RBFOX3: variants seen among roughly 807,000 people sequenced by gnomAD.
RBFOX3 encodes RNA binding protein fox-1 homolog 3.
In RBFOX3, 17 loss-of-function variants were observed where a neutral mutation model predicts 48.7. The observed-to-expected ratio is 0.35, with a 90% CI of 0.24 to 0.52. The LOEUF is 0.52. Ranked by LOEUF, RBFOX3 falls within the 20% of genes least tolerant of loss-of-function variation. The pLI, the probability that RBFOX3 is intolerant of heterozygous loss-of-function variation, is 0.94. For missense variants in RBFOX3, 382 were observed against 497.5 expected (o/e 0.77, Z 2.21); for synonymous variants, 212 against 209.5 (o/e 1.01, Z -0.10).
chr17:79,399,960 G>C (rs2062581514), intron 2 of RBFOX3, among the ~76,000 whole-genome samples: 1 of 152,190 alleles, frequency 6.6e-6, no homozygotes, highest in Admixed American at 6.5e-5. Flanking sequence ...AGATATCCAG[G>C]TTCACCCACT....
At chr17:79,171,568 C>T (rs1013627194) in intron 4 of RBFOX3, among the ~76,000 whole-genome samples, 1 of 152,160 alleles carries the variant, frequency 6.6e-6, no homozygotes, top group Non-Finnish European at 1.5e-5. Flanking sequence ...CAGACCCCTG[C>T]ACTAGATCTC....
chr17:79,244,325 A>G lies in RBFOX3; in HGVS notation c.-73-8520T>C, dbSNP rs553752742. Among the ~76,000 whole-genome samples the G allele has an allele frequency of 2.6e-5, 4 of 152,280 alleles. No homozygotes were observed. The East Asian group carries it at 5.8e-4, about 22-fold the overall frequency. On this transcript the variant is annotated intron_variant, in intron 3 of 14. Coordinates refer to ENST00000693108, the MANE Select transcript of RBFOX3 (RefSeq NM_001350451.2). Reference sequence around the variant, plus strand: ...GCCAGGAGACTTGAAAGGACAAGGAAGGAACCTGCCCAGAACTTTCAGACA... The same window carrying G: ...GCCAGGAGACTTGAAAGGACAAGGAGGGAACCTGCCCAGAACTTTCAGACA...
the RBFOX3 span, among the ~76,000 whole-genome samples, chr17:79,628,189 C>T: frequency 6.6e-6 from 1 of 152,112 alleles, no homozygotes; most frequent in African/African-American, 2.4e-5. Context: ...GGCCGGAGCC[C>T]TGGTCCCCAG....
intron 4 of RBFOX3, among the ~76,000 whole-genome samples, chr17:79,207,575 G>A (rs11868413): frequency 0.025 from 3,844 of 152,360 alleles, 167 homozygotes; most frequent in African/African-American, 0.087. Context: ...TGGGCTGTGG[G>A]GTCAGCCCAC....
intron 2 of RBFOX3, among the ~76,000 whole-genome samples, chr17:79,389,583 G>A (rs1275727792): frequency 1.3e-5 from 2 of 152,198 alleles, no homozygotes; most frequent in Non-Finnish European, 1.5e-5. Flanking sequence ...CTCGGCCTCA[G>A]TGGGTCTCCA....
chr17:79,486,636 C>T (rs1247480937), intron 1 of RBFOX3, among the ~76,000 whole-genome samples: 1 of 152,164 alleles, frequency 6.6e-6, no homozygotes, highest in Non-Finnish European at 1.5e-5. Context: ...AATGACAGGG[C>T]CCCCAAATAA....
chr17:79,485,300 C>G (rs1281590392), intron 1 of RBFOX3, among the ~76,000 whole-genome samples: 2 of 152,198 alleles, frequency 1.3e-5, no homozygotes, highest in African/African-American at 2.4e-5. Context: ...CCCAAGTCAT[C>G]CCCTGGGGCC....
At chr17:79,420,685 G>C (rs548435671) in intron 2 of RBFOX3, among the ~76,000 whole-genome samples, 1 of 152,192 alleles carries the variant, frequency 6.6e-6, no homozygotes, top group East Asian at 1.9e-4. Flanking sequence ...TGAAGAGCTC[G>C]GCCACCCGAG....
At chr17:79,227,179 G>A (rs139146545) in intron 4 of RBFOX3, among the ~76,000 whole-genome samples, 21 of 152,294 alleles carry the variant, frequency 1.4e-4, no homozygotes, top group Admixed American at 1.3e-4. Context: ...GGTTTTGGCC[G>A]AGACCACCAG....
chr17:79,182,747 C>T (rs1209977282), intron 4 of RBFOX3, among the ~76,000 whole-genome samples: 2 of 151,804 alleles, frequency 1.3e-5, no homozygotes, highest in African/African-American at 2.4e-5. Context: ...GGGCCTCCCT[C>T]GCCAGGCGGG....
intron 2 of RBFOX3, among the ~76,000 whole-genome samples, chr17:79,321,427 C>G (rs529210498): frequency 6.6e-6 from 1 of 152,216 alleles, no homozygotes; most frequent in Non-Finnish European, 1.5e-5. Flanking sequence ...GGCCCCAACA[C>G]GCCCACTCCT....
At chr17:79,641,008 T>A in the RBFOX3 span, among the ~76,000 whole-genome samples, 6 of 151,852 alleles carry the variant, frequency 4.0e-5, no homozygotes, top group Admixed American at 3.3e-4. Flanking sequence ...AAAGCCAGGG[T>A]GAAAAGGAAA....
At chr17:79,615,356 G>C (rs1200157361), upstream of RBFOX3, among the ~76,000 whole-genome samples, 2 of 152,004 alleles carry the variant, frequency 1.3e-5, no homozygotes, top group Non-Finnish European at 2.9e-5. Flanking sequence ...TGTAAAGCAT[G>C]AAAGAGGGCA....
intron 2 of RBFOX3, among the ~76,000 whole-genome samples, chr17:79,404,349 C>A (rs2063264002): frequency 6.6e-6 from 1 of 151,190 alleles, no homozygotes; most frequent in South Asian, 2.1e-4. Flanking sequence ...GGTGAGCAGT[C>A]TACACTCCGG....
chr17:79,360,599 C>T (rs1403458794), intron 2 of RBFOX3, among the ~76,000 whole-genome samples: 1 of 152,272 alleles, frequency 6.6e-6, no homozygotes, highest in South Asian at 2.1e-4. Flanking sequence ...TGGAGGGATA[C>T]CTGGCTGGGA....
At chr17:79,428,798 G>T (rs1230398747) in intron 2 of RBFOX3, among the ~76,000 whole-genome samples, 2 of 152,242 alleles carry the variant, frequency 1.3e-5, no homozygotes, top group Non-Finnish European at 2.9e-5. Flanking sequence ...CTCAGAACTA[G>T]CAGTGAATTA....
At chr17:79,210,491 C>A (rs907632544) in intron 4 of RBFOX3, among the ~76,000 whole-genome samples, 1 of 152,248 alleles carries the variant, frequency 6.6e-6, no homozygotes, top group Non-Finnish European at 1.5e-5. Context: ...CCGCCGCATA[C>A]TTCACGTAAC....
chr17:79,509,889 T>C (rs2083845939), intron 1 of RBFOX3, among the ~76,000 whole-genome samples: 1 of 151,968 alleles, frequency 6.6e-6, no homozygotes, highest in Non-Finnish European at 1.5e-5. Flanking sequence ...GGCACTGCAC[T>C]ATGTCATCAG....
chr17:79,213,004 G>T (rs938678514), intron 4 of RBFOX3, among the ~76,000 whole-genome samples: 3 of 151,214 alleles, frequency 2.0e-5, no homozygotes, highest in African/African-American at 7.3e-5. Context: ...ACAGGCATGC[G>T]CCTGTAATGC....
Sources: allele counts gnomAD v4.1 joint callset (sites outside exome capture counted in the v4.1 genomes callset), GRCh38; gene constraint gnomAD v4.1.1; transcripts MANE v1.5; gene names NCBI Gene and HGNC (gene_info 2026-07-23, HGNC 2026-07-21).